The following YWHAG variants were observed in gnomAD, a reference collection of about 807,000 sequenced individuals.
YWHAG encodes the protein tyrosine 3-monooxygenase/tryptophan 5-monooxygenase activation protein gamma, also known as 14-3-3 protein gamma.
YWHAG carries 1 observed loss-of-function variant against 23.3 expected under a neutral mutation model. The ratio of observed to expected loss-of-function variants is 0.04; its 90% CI spans 0.02 to 0.20. YWHAG has a LOEUF of 0.20. Among genes scored for constraint, YWHAG ranks in the 10% least tolerant of loss-of-function variants. The pLI is 1.00. For missense variants in YWHAG, 151 were observed against 338.6 expected, an observed-to-expected ratio of 0.45 and a Z score of 4.35; for synonymous variants, 160 against 144.0, an observed-to-expected ratio of 1.11 and a Z score of -0.80.
chr7:76,337,679 C>T (rs1341467663), intron 1 of YWHAG, among the ~76,000 whole-genome samples: 5 of 151,818 alleles, frequency 3.3e-5, no homozygotes, highest in African/African-American at 1.2e-4. Context: ...GGTCTACAGG[C>T]GCCCACCACC....
chr7:76,329,353 C>G lies in YWHAG; in HGVS notation c.*224G>C. 1 of 583,270 alleles carries G rather than the reference C, an allele frequency of 1.7e-6. No individual in the cohort carries two copies. The highest frequency in any genetic ancestry group is 3.0e-6 in the Non-Finnish European group (1 of 332,432). 36.1% of individuals were successfully genotyped at this position (583,270 alleles called of 1,614,324 possible). On this transcript the variant is annotated 3_prime_UTR_variant, in exon 2 of 2. Transcript: ENST00000307630. The surrounding 1 kb of genome is among the most constrained non-coding windows in gnomAD (Gnocchi z 6.1). ...TGAATCTACAGAACAGTCCAGACGCCAGTGTGAGGCTGCTATTCCAATACC... is the reference window on the plus strand; with the variant it reads ...TGAATCTACAGAACAGTCCAGACGCGAGTGTGAGGCTGCTATTCCAATACC...
chr7:76,332,402 T>C (rs988807714), intron 1 of YWHAG, among the ~76,000 whole-genome samples: 3 of 152,230 alleles, frequency 2.0e-5, no homozygotes, highest in South Asian at 2.1e-4. Flanking sequence ...CATCATTCGC[T>C]AAGCAATCTT....
At chr7:76,353,825 TTG>T (rs1803908874) in intron 1 of YWHAG, among the ~76,000 whole-genome samples, 2 of 151,988 alleles carry the variant, frequency 1.3e-5, no homozygotes, top group African/African-American at 4.8e-5. Flanking sequence ...TCCCAGTACT[TTG>T]GGAGGCCAAG....
At chr7:76,340,082 C>G (rs889066482) in intron 1 of YWHAG, among the ~76,000 whole-genome samples, 1 of 152,074 alleles carries the variant, frequency 6.6e-6, no homozygotes, top group Non-Finnish European at 1.5e-5. Flanking sequence ...CAGCGAGACT[C>G]CATCTCAGAA....
chr7:76,349,394 C>T (rs190857445), intron 1 of YWHAG, among the ~76,000 whole-genome samples: 5 of 149,594 alleles, frequency 3.3e-5, no homozygotes, highest in East Asian at 3.9e-4. Context: ...GCGGTCCAGA[C>T]GCGTTTTGGT....
At chr7:76,345,228 C>A (rs1330396593) in intron 1 of YWHAG, among the ~76,000 whole-genome samples, 6 of 150,604 alleles carry the variant, frequency 4.0e-5, no homozygotes, top group African/African-American at 1.5e-4. Flanking sequence ...CTCTGTTGCC[C>A]AGGCTGGAGT....
rs576319575 is a variant in YWHAG, at chr7:76,336,493, TCA to T, written c.88-6262_88-6261del. 7.4e-3 allele frequency among the ~76,000 whole-genome samples: 1,091 copies of T among 146,802 alleles called. 14 individuals carry two copies. Among genetic ancestry groups the T allele is most frequent in the African/African-American group, 0.027 (1,043 of 39,030 alleles). On this transcript the variant is annotated intron_variant, in intron 1 of 1. Coordinates refer to ENST00000307630, the MANE Select transcript of YWHAG (RefSeq NM_012479.4). ...TTTTCTGAGACAGAGTTTCACTCTGTCACCCAGGCTGGAGTGTGATGGCACGA... is the reference window on the plus strand; with the variant it reads ...TTTTCTGAGACAGAGTTTCACTCTGTCCCAGGCTGGAGTGTGATGGCACGA...
intron 1 of YWHAG, among the ~76,000 whole-genome samples, chr7:76,340,395 A>G (rs937315642): frequency 1.3e-5 from 2 of 152,196 alleles, no homozygotes; most frequent in African/African-American, 2.4e-5. Flanking sequence ...TTTGAATTCA[A>G]TGGAACTATT....
At position 76,329,302 on chromosome 7, in the gene YWHAG, A is replaced by C. The variant is rs978075675; in HGVS notation, c.*275T>G. The C allele has an allele frequency of 3.0e-5, 12 of 404,744 alleles. No homozygotes were observed. The East Asian group carries it at 5.0e-4, about 17-fold the overall frequency. The allele number at this position is 404,744 out of a possible 1,614,324, so 25.1% of individuals were successfully genotyped here. On this transcript the variant is annotated 3_prime_UTR_variant, in exon 2 of 2. Transcript: ENST00000307630. This position sits in a 1 kb window ranked among gnomAD's most constrained non-coding sequence, Gnocchi z 6.1. ...ACCCTATTATCTAGCAATAAGTTAA[A>C]TTAGAGACAGACAGCTCCACTTGCA...
At chr7:76,335,120 C>T (rs1346048187) in intron 1 of YWHAG, among the ~76,000 whole-genome samples, 1 of 152,114 alleles carries the variant, frequency 6.6e-6, no homozygotes, top group East Asian at 1.9e-4. Context: ...TGCAGTGGCA[C>T]AATCCCGGCT....
At chr7:76,346,435 G>C (rs1803780340) in intron 1 of YWHAG, among the ~76,000 whole-genome samples, 2 of 152,180 alleles carry the variant, frequency 1.3e-5, no homozygotes, top group African/African-American at 4.8e-5. Flanking sequence ...CAGCTGTTAG[G>C]CCAGCCTGGT....
intron 1 of YWHAG, among the ~76,000 whole-genome samples, chr7:76,352,273 C>T (rs1043088203): frequency 5.3e-5 from 8 of 152,208 alleles, no homozygotes; most frequent in African/African-American, 1.9e-4. Flanking sequence ...ATCTCTACGG[C>T]TTCAAAAGAA....
chr7:76,328,031 CAAA>C lies in YWHAG; in HGVS notation c.*1543_*1545del, dbSNP rs995427409. 1.3e-5 allele frequency: 2 copies of C among 151,982 alleles called. No individual in the cohort carries two copies. Among genetic ancestry groups the C allele is most frequent in the African/African-American group, 4.8e-5 (2 of 41,350 alleles). The allele number at this position is 151,982 out of a possible 1,614,324, so 9.4% of individuals were successfully genotyped here. A position where few individuals can be genotyped will look rare whatever the true frequency, so the allele number is the denominator to read the frequency against. On this transcript the variant is annotated 3_prime_UTR_variant, in exon 2 of 2. Transcript: ENST00000307630. ...TTCTTGCCTAAATAAAACAAAGAAA[CAAA>C]GAAAACAAGTGTGGTGTCATTACAC...
rs143706726 is a variant in YWHAG, at chr7:76,346,932, A to G, written c.87+11790T>C. Among the ~76,000 whole-genome samples the G allele has an allele frequency of 1.2e-3, 189 of 152,274 alleles. 1 individual carries two copies. Among genetic ancestry groups the G allele is most frequent in the African/African-American group, 4.2e-3 (174 of 41,538 alleles). On this transcript the variant is annotated intron_variant, in intron 1 of 1. Coordinates refer to ENST00000307630, the MANE Select transcript of YWHAG (RefSeq NM_012479.4). ...AGCGCACCACCACAGCATTCCCTGA[A>G]TGCCACCAACAAGGACTAAACAAAT...
intron 1 of YWHAG, among the ~76,000 whole-genome samples, chr7:76,348,560 C>T (rs949937634): frequency 7.2e-5 from 11 of 151,896 alleles, no homozygotes; most frequent in African/African-American, 2.2e-4. Flanking sequence ...ACCGCCACCA[C>T]GCCCGACTAA....
rs74660340 is a variant in YWHAG at position 76,349,610 on chromosome 7, T to C, written c.87+9112A>G. Among the ~76,000 whole-genome samples, 22 of 152,286 alleles carry C rather than the reference T, an allele frequency of 1.4e-4. No individual in the cohort carries two copies. In the East Asian group the frequency reaches 4.2e-3, roughly 29 times the overall value. On this transcript the variant is annotated intron_variant, in intron 1 of 1. Coordinates refer to ENST00000307630, the MANE Select transcript of YWHAG (RefSeq NM_012479.4). ...CCAAATAATGTTGGTAGAAATACATTCTATGTAAGTTGTAAAAATTTAATC... is the reference window on the plus strand; with the variant it reads ...CCAAATAATGTTGGTAGAAATACATCCTATGTAAGTTGTAAAAATTTAATC...
chr7:76,337,320 T>C (rs1456018889), intron 1 of YWHAG, among the ~76,000 whole-genome samples: 1 of 152,128 alleles, frequency 6.6e-6, no homozygotes, highest in Non-Finnish European at 1.5e-5. Flanking sequence ...CTTCTGGGAA[T>C]CTGGATTTGG....
At chr7:76,349,730 G>C (rs1159518816) in intron 1 of YWHAG, among the ~76,000 whole-genome samples, 1 of 152,112 alleles carries the variant, frequency 6.6e-6, no homozygotes, top group African/African-American at 2.4e-5. Flanking sequence ...TTTTCTACAT[G>C]GCCAGCAAAC....
At chr7:76,342,943 C>T (rs751462347) in intron 1 of YWHAG, among the ~76,000 whole-genome samples, 65 of 152,184 alleles carry the variant, frequency 4.3e-4, no homozygotes, top group South Asian at 8.3e-4. Context: ...TCGAGACCAG[C>T]CTAGCCAACA....
Sources: allele counts gnomAD v4.1 joint callset (sites outside exome capture counted in the v4.1 genomes callset), GRCh38; gene constraint gnomAD v4.1.1; non-coding constraint Gnocchi (gnomAD v3.1); transcripts MANE v1.5; gene names NCBI Gene and HGNC (gene_info 2026-07-23, HGNC 2026-07-21).